QKI: variants seen among roughly 807,000 people sequenced by gnomAD.
QKI encodes KH domain-containing RNA-binding protein QKI.
A neutral mutation model predicts 39.0 loss-of-function variants in QKI; 10 were observed. The observed-to-expected ratio is 0.26, with a 90% CI of 0.16 to 0.43. The LOEUF is 0.43. Among genes scored for constraint, QKI ranks in the 20% least tolerant of loss-of-function variants. QKI has a pLI of 1.00. For synonymous variants in QKI, 204 were observed against 155.4 expected, an observed-to-expected ratio of 1.31 and a Z score of -2.33; for missense variants, 218 against 428.0, an observed-to-expected ratio of 0.51 and a Z score of 4.33.
intron 3 of QKI, 108 bp from the exon 4 acceptor site, chr6:163,534,874 A>T (rs1383352950): frequency 3.1e-6 from 3 of 963,288 alleles, no homozygotes; most frequent in South Asian, 3.0e-5. Context: ...CATCATAGCA[A>T]AATAATGCAA....
intron 4 of QKI, among the ~76,000 whole-genome samples, chr6:163,535,495 AAAT>A (rs1418000872): frequency 6.7e-6 from 1 of 150,354 alleles, no homozygotes; most frequent in Non-Finnish European, 1.5e-5. Context: ...ATATTTTTAG[AAAT>A]AATAATTGTA....
At chr6:163,521,083 A>AT (rs1780125899) in intron 3 of QKI, among the ~76,000 whole-genome samples, 1 of 152,148 alleles carries the variant, frequency 6.6e-6, no homozygotes, top group African/African-American at 2.4e-5. Flanking sequence ...ATACTTTGGA[A>AT]TTTAAGTGAA....
chr6:163,421,952 C>T (rs1788026238), intron 1 of QKI, among the ~76,000 whole-genome samples: 1 of 151,886 alleles, frequency 6.6e-6, no homozygotes, highest in Non-Finnish European at 1.5e-5. Context: ...ACCATGTTGG[C>T]CAGGCTGATC....
intron 1 of QKI, among the ~76,000 whole-genome samples, chr6:163,422,791 C>G (rs1216019461): frequency 2.6e-5 from 4 of 152,080 alleles, no homozygotes; most frequent in Middle Eastern, 6.3e-3. Context: ...AGTAGCTGGC[C>G]TTAAGTAAGC....
chr6:163,561,198 C>G (rs997664655), intron 4 of QKI, among the ~76,000 whole-genome samples: 1 of 152,132 alleles, frequency 6.6e-6, no homozygotes, highest in Admixed American at 6.6e-5. Flanking sequence ...ATTTCCTTAC[C>G]TAAATTCTGT....
At chr6:163,421,750 CT>C (rs766565039) in intron 1 of QKI, among the ~76,000 whole-genome samples, 158 of 143,724 alleles carry the variant, frequency 1.1e-3, no homozygotes, top group African/African-American at 1.7e-3. Flanking sequence ...TTTCTTTTTT[CT>C]TTTTTTTTTT....
At chr6:163,559,787 GT>G (rs1275865116) in intron 4 of QKI, among the ~76,000 whole-genome samples, 1 of 152,116 alleles carries the variant, frequency 6.6e-6, no homozygotes, top group East Asian at 1.9e-4. Context: ...ACAGAATTTT[GT>G]GTGTCATTAC....
At chr6:163,502,734 TTTC>T (rs1778850412) in intron 3 of QKI, among the ~76,000 whole-genome samples, 1 of 152,210 alleles carries the variant, frequency 6.6e-6, no homozygotes, top group Admixed American at 6.5e-5. Context: ...TTTGCTGCAT[TTTC>T]TTCATCCACT....
intron 3 of QKI, among the ~76,000 whole-genome samples, chr6:163,516,453 C>T (rs1476049388): frequency 1.3e-5 from 2 of 152,140 alleles, no homozygotes; most frequent in East Asian, 3.9e-4. Context: ...CACCACCATG[C>T]CCCGCTGAAT....
chr6:163,480,801 T>A (rs1425032891), intron 3 of QKI, among the ~76,000 whole-genome samples: 1 of 152,214 alleles, frequency 6.6e-6, no homozygotes, highest in African/African-American at 2.4e-5. Context: ...TAATTGCCTA[T>A]GGACAATGAA....
At chr6:163,435,558 A>G (rs1455092372) in intron 1 of QKI, among the ~76,000 whole-genome samples, 1 of 152,216 alleles carries the variant, frequency 6.6e-6, no homozygotes, top group East Asian at 1.9e-4. Context: ...ACACTTGAGT[A>G]TTCTATTTAA....
intron 3 of QKI, among the ~76,000 whole-genome samples, chr6:163,481,927 C>T (rs751000879): frequency 1.5e-4 from 23 of 152,168 alleles, no homozygotes; most frequent in Non-Finnish European, 2.5e-4. Context: ...TGGCTCACAC[C>T]TGTAATCTCA....
chr6:163,501,157 G>C (rs867735597), intron 3 of QKI, among the ~76,000 whole-genome samples: 1 of 152,060 alleles, frequency 6.6e-6, no homozygotes, highest in African/African-American at 2.4e-5. Flanking sequence ...GAAATACTCA[G>C]ATGGATAATG....
At chr6:163,450,024 T>C (rs576584716) in intron 1 of QKI, among the ~76,000 whole-genome samples, 40 of 152,004 alleles carry the variant, frequency 2.6e-4, no homozygotes, top group African/African-American at 8.7e-4. Flanking sequence ...AACATATATA[T>C]ACACACACAT....
intron 3 of QKI, among the ~76,000 whole-genome samples, chr6:163,502,340 A>G (rs1454176567): frequency 6.6e-6 from 1 of 152,102 alleles, no homozygotes; most frequent in Non-Finnish European, 1.5e-5. Flanking sequence ...AACAAAACAA[A>G]CAAACAAACA....
At chr6:163,524,806 C>G (rs1051056386) in intron 3 of QKI, among the ~76,000 whole-genome samples, 1 of 152,102 alleles carries the variant, frequency 6.6e-6, no homozygotes. Flanking sequence ...TAGATTCTAG[C>G]CTGTCCATAC....
chr6:163,559,086 TCC>T (rs1370563179), intron 4 of QKI, among the ~76,000 whole-genome samples: 2 of 152,232 alleles, frequency 1.3e-5, no homozygotes, highest in Non-Finnish European at 2.9e-5. Flanking sequence ...TGTGGTTTTC[TCC>T]CTTGTTTGAC....
chr6:163,536,870 A>G (rs1781241074), intron 4 of QKI, among the ~76,000 whole-genome samples: 1 of 152,120 alleles, frequency 6.6e-6, no homozygotes, highest in African/African-American at 2.4e-5. Flanking sequence ...TGGTTTTTGA[A>G]TCCCAGCTTT....
At chr6:163,477,185 T>C (rs1792683287) in intron 2 of QKI, among the ~76,000 whole-genome samples, 1 of 151,970 alleles carries the variant, frequency 6.6e-6, no homozygotes, top group Admixed American at 6.6e-5. Context: ...CTGGCTAAGT[T>C]TTGTATTTTT....
Sources: gnomAD v4.1 joint callset for allele counts (sites outside exome capture counted in the v4.1 genomes callset) on GRCh38, gnomAD v4.1.1 for gene constraint, MANE v1.5 for transcripts, NCBI Gene and HGNC (gene_info 2026-07-23, HGNC 2026-07-21) for gene names.